The following ITCH variants were observed in gnomAD, a reference collection of about 807,000 sequenced individuals.
ITCH encodes E3 ubiquitin-protein ligase Itchy homolog.
In ITCH, 28 loss-of-function variants were observed where a neutral mutation model predicts 126.8. The ratio of observed to expected loss-of-function variants is 0.22; its 90% confidence interval spans 0.16 to 0.30. ITCH has a LOEUF of 0.30. ITCH is among the 10% of genes least tolerant of loss of function. The pLI, the probability that ITCH is intolerant of heterozygous loss-of-function variation, is 1.00. For synonymous variants in ITCH, 342 were observed against 340.0 expected (o/e 1.01, Z -0.06); for missense variants, 631 against 1,032.4 (o/e 0.61, Z 5.33).
At chr20:34,440,921 T>A (rs576113713) in intron 9 of ITCH, among the ~76,000 whole-genome samples, 2 of 152,298 alleles carry the variant, frequency 1.3e-5, no homozygotes, top group South Asian at 4.1e-4. Flanking sequence ...TCCAATTGCC[T>A]TTTTCTTTAA....
At chr20:34,365,877 T>C (rs919089866) in intron 1 of ITCH, among the ~76,000 whole-genome samples, 8 of 152,204 alleles carry the variant, frequency 5.3e-5, no homozygotes, top group African/African-American at 1.4e-4. Context: ...TTTTAACACA[T>C]GCCTTAGGTA....
In ITCH at chr20:34,408,683, A is replaced by G. The variant is rs1453654131; in HGVS notation, c.103A>G (p.Asn35Asp). Residue 35 changes from asparagine (N) to aspartate (D), a missense_variant, in exon 4 of 25, where the codon AAT becomes GAT. Coordinates refer to ENST00000374864, the MANE Select transcript of ITCH (RefSeq NM_031483.7). ...ISAKLKENKK[N>D]WFGPSPYVEV... ...AGCAAAACTTAAGGAAAATAAGAAGAATTGGTTTGGACCAAGTCCTTACGT... is the reference window on the plus strand; with the variant it reads ...AGCAAAACTTAAGGAAAATAAGAAGGATTGGTTTGGACCAAGTCCTTACGT... 3 of 1,613,760 alleles carry G rather than the reference A, an allele frequency of 1.9e-6. No individual in the cohort carries two copies. Among genetic ancestry groups the G allele is most frequent in the Non-Finnish European group, 2.5e-6 (3 of 1,179,786 alleles).
At chr20:34,486,718 G>A (rs902456865) in intron 20 of ITCH, among the ~76,000 whole-genome samples, 6 of 150,482 alleles carry the variant, frequency 4.0e-5, no homozygotes, top group African/African-American at 1.5e-4. Flanking sequence ...ATATTTTTGA[G>A]ACAGGGTCTC....
chr20:34,471,573 T>C, intron 16 of ITCH, 58 bp downstream of exon 16: 1 of 1,041,846 alleles, frequency 9.6e-7, no homozygotes. Context: ...GACCCGCTTT[T>C]GGTGCTGTCA....
chr20:34,421,564 C>A (rs545487894), intron 6 of ITCH, among the ~76,000 whole-genome samples: 2 of 152,202 alleles, frequency 1.3e-5, no homozygotes, highest in South Asian at 4.2e-4. Flanking sequence ...TTGTTCTCTT[C>A]TTGGACGTTC....
intron 2 of ITCH, among the ~76,000 whole-genome samples, chr20:34,379,253 A>G (rs779284616): frequency 3.3e-5 from 5 of 152,152 alleles, no homozygotes; most frequent in Non-Finnish European, 2.9e-5. Flanking sequence ...GATTTTATAT[A>G]GAAATTGATG....
In ITCH at chr20:34,441,351, A is replaced by G. The variant is rs538950839; in HGVS notation, c.870-857A>G. 1.2e-4 allele frequency among the ~76,000 whole-genome samples: 18 copies of G among 152,264 alleles called. No homozygotes were observed. In the East Asian group the frequency reaches 2.9e-3, roughly 24 times the overall value. On this transcript the variant is annotated intron_variant, in intron 9 of 24. Coordinates refer to ENST00000374864, the MANE Select transcript of ITCH (RefSeq NM_031483.7). Reference sequence around the variant, plus strand: ...AATTTGTGCTCATAATCCCATTTTAATCTCTCCTGATTATTTTAAGATTAT... The same window carrying G: ...AATTTGTGCTCATAATCCCATTTTAGTCTCTCCTGATTATTTTAAGATTAT...
intron 14 of ITCH, among the ~76,000 whole-genome samples, chr20:34,466,803 G>A (rs1353053974): frequency 2.0e-5 from 3 of 152,112 alleles, no homozygotes; most frequent in Non-Finnish European, 2.9e-5. Context: ...AGTCTTCAGC[G>A]GGAAACTTTT....
intron 10 of ITCH, among the ~76,000 whole-genome samples, chr20:34,443,769 G>A (rs1012536658): frequency 2.0e-4 from 31 of 152,248 alleles, no homozygotes; most frequent in Admixed American, 9.8e-4. Flanking sequence ...ATGGGCGCTT[G>A]AGGCCAGGAG....
At chr20:34,470,706 C>T (rs1987539748) in intron 15 of ITCH, among the ~76,000 whole-genome samples, 1 of 152,074 alleles carries the variant, frequency 6.6e-6, no homozygotes, top group Admixed American at 6.5e-5. Flanking sequence ...GATCCTCTTG[C>T]CTCAGCCTTC....
intron 3 of ITCH, among the ~76,000 whole-genome samples, chr20:34,397,993 AT>A (rs570535836): frequency 4.9e-3 from 699 of 142,918 alleles, no homozygotes; most frequent in Non-Finnish European, 5.0e-3. Flanking sequence ...TCGTTATTGA[AT>A]TTTTTTTTTT....
chr20:34,498,266 C>T (rs1246544667), intron 23 of ITCH, among the ~76,000 whole-genome samples: 1 of 152,122 alleles, frequency 6.6e-6, no homozygotes, highest in Non-Finnish European at 1.5e-5. Context: ...TATATAAGGT[C>T]ATGTTGTCTG....
chr20:34,382,561 A>G (rs2038104668), intron 2 of ITCH, among the ~76,000 whole-genome samples: 1 of 151,398 alleles, frequency 6.6e-6, no homozygotes, highest in Non-Finnish European at 1.5e-5. Context: ...GCCTGCCACC[A>G]TGCCCAGCTA....
At position 34,434,906 on chromosome 20, in the gene ITCH, T is replaced by A. The variant is rs569909721; in HGVS notation, c.522-3568T>A. The stretch of plus-strand genomic sequence containing the variant: ...TTTGACATAATCCAGTTTTAGGTAT[T>A]TGAATACTCTATAAATACAAATACA... On this transcript the variant is annotated intron_variant, in intron 7 of 24. Coordinates refer to ENST00000374864, the MANE Select transcript of ITCH (RefSeq NM_031483.7). 4.6e-4 allele frequency among the ~76,000 whole-genome samples: 70 copies of A among 152,336 alleles called. 1 individual carries two copies. Among genetic ancestry groups the A allele is most frequent in the African/African-American group, 1.7e-3 (70 of 41,582 alleles).
intron 3 of ITCH, among the ~76,000 whole-genome samples, chr20:34,405,429 C>T (rs906156458): frequency 2.6e-5 from 4 of 152,110 alleles, no homozygotes; most frequent in East Asian, 1.9e-4. Context: ...CGCTTGAACC[C>T]GGCAGGCGGA....
intron 16 of ITCH, among the ~76,000 whole-genome samples, chr20:34,474,167 CT>C (rs377766396): frequency 3.3e-5 from 5 of 149,932 alleles, no homozygotes; most frequent in South Asian, 2.1e-4. Flanking sequence ...TGCATACTTT[CT>C]TTTTTTTTTC....
At chr20:34,480,528 A>G in intron 18 of ITCH, 71 bp from the exon 19 acceptor site, 2 of 1,538,586 alleles carry the variant, frequency 1.3e-6, no homozygotes, top group Non-Finnish European at 9.0e-7. Flanking sequence ...AATGAAGAGT[A>G]CATCTAATAT....
intron 2 of ITCH, among the ~76,000 whole-genome samples, chr20:34,382,550 C>T (rs2038104144): frequency 6.6e-6 from 1 of 151,036 alleles, no homozygotes. Context: ...GAATTACAGG[C>T]GCCTGCCACC....
chr20:34,498,124 C>A (rs1990008203), intron 23 of ITCH, among the ~76,000 whole-genome samples: 1 of 151,992 alleles, frequency 6.6e-6, no homozygotes. Flanking sequence ...TTCTTGATTT[C>A]TTTTTCTTCT....
Sources: gnomAD v4.1 joint callset for allele counts (sites outside exome capture counted in the v4.1 genomes callset) on GRCh38, gnomAD v4.1.1 for gene constraint, MANE v1.5 for transcripts, NCBI Gene and HGNC (gene_info 2026-07-23, HGNC 2026-07-21) for gene names.